DCAF1: variants seen among roughly 807,000 people sequenced by gnomAD.
DCAF1 encodes the protein DDB1- and CUL4-associated factor 1.
DCAF1 carries 15 observed loss-of-function variants against 128.0 expected under a neutral mutation model. That is an observed-to-expected ratio of 0.12 (90% CI 0.08 to 0.18). DCAF1 has a LOEUF of 0.18. Among genes scored for constraint, DCAF1 ranks in the 10% least tolerant of loss-of-function variants. DCAF1 has a pLI of 1.00. For missense variants in DCAF1, 988 were observed against 1,649.5 expected, an observed-to-expected ratio of 0.60 and a Z score of 6.95; for synonymous variants, 610 against 603.0, an observed-to-expected ratio of 1.01 and a Z score of -0.17.
chr3:51,438,117 G>C (rs1553637516), intron 9 of DCAF1: 1 of 426,212 alleles, frequency 2.3e-6, no homozygotes, highest in Non-Finnish European at 4.5e-6. Flanking sequence ...TGAAAGTTTG[G>C]TGTGGTTATG....
intron 24 of DCAF1, among the ~76,000 whole-genome samples, chr3:51,402,177 AG>A (rs1553625126): frequency 6.6e-6 from 1 of 152,220 alleles, no homozygotes; most frequent in South Asian, 2.1e-4. Flanking sequence ...GGTAAATAAA[AG>A]GAAGTGAATA....
intron 6 of DCAF1, among the ~76,000 whole-genome samples, chr3:51,460,003 G>A (rs1553643997): frequency 6.6e-6 from 1 of 152,140 alleles, no homozygotes; most frequent in Non-Finnish European, 1.5e-5. Flanking sequence ...GCACAAGACA[G>A]GGATGCCCTC....
At chr3:51,460,614 GC>G (rs1295433967) in intron 6 of DCAF1, among the ~76,000 whole-genome samples, 2 of 151,320 alleles carry the variant, frequency 1.3e-5, no homozygotes, top group Non-Finnish European at 3.0e-5. Context: ...TCAATCCTAA[GC>G]CAAAAGAACA....
intron 3 of DCAF1, among the ~76,000 whole-genome samples, chr3:51,471,905 A>G (rs1164470060): frequency 2.0e-5 from 3 of 151,458 alleles, no homozygotes; most frequent in African/African-American, 7.3e-5. Context: ...TCCCTCTCCC[A>G]CAACAATTTC....
rs782275654 is a variant in DCAF1 at position 51,483,783 on chromosome 3, T to C, written c.46A>G (p.Thr16Ala). Residue 16 changes from threonine (T) to alanine (A), a missense_variant, in exon 3 of 25, where the codon ACC becomes GCC. Transcript: ENST00000684031. ...TCCTTTTCCCACTGCTCCAGCAGGG[T>C]AGTGAGCTCAGCTTTGGAGTCCACA... The part of the protein sequence containing the change: ...VHVDSKAELT[T>A]LLEQWEKEHG... 15 of 1,613,656 alleles carry C rather than the reference T, an allele frequency of 9.3e-6. No individual in the cohort carries two copies. Among genetic ancestry groups the C allele is most frequent in the Non-Finnish European group, 1.3e-5 (15 of 1,179,864 alleles).
At chr3:51,433,318 C>A (rs1317838745) in intron 9 of DCAF1, 54 bp from the exon 10 acceptor site, 2 of 398,158 alleles carry the variant, frequency 5.0e-6, no homozygotes, top group Non-Finnish European at 8.9e-6. Context: ...TTAACAAAAT[C>A]TCTTGACCTA....
intron 13 of DCAF1, among the ~76,000 whole-genome samples, chr3:51,426,161 T>C (rs1699889999): frequency 6.6e-6 from 1 of 152,144 alleles, no homozygotes; most frequent in Admixed American, 6.5e-5. Context: ...GCTAAAATTA[T>C]CTGGTTTTAT....
chr3:51,402,632 T>C (rs1225630749), intron 24 of DCAF1, among the ~76,000 whole-genome samples: 1 of 127,768 alleles, frequency 7.8e-6, no homozygotes, highest in Non-Finnish European at 1.6e-5. Context: ...TGGAGTGCAG[T>C]GGCACGATCT....
Position 51,443,841 on chromosome 3 carries a change from A to G in DCAF1, c.438T>C (p.Tyr146=), listed in dbSNP as rs186270986. Residue 146 remains tyrosine, a synonymous_variant, in exon 7 of 25, where the codon TAT becomes TAC. Transcript: ENST00000684031. Reference sequence around the variant, plus strand: ...TAGCACCTCCTAACAGTCCAGTAGAATATGTCCTCAATGGTTGATCGGCCT... The same window carrying G: ...TAGCACCTCCTAACAGTCCAGTAGAGTATGTCCTCAATGGTTGATCGGCCT... ...AREADQPLRT[Y]STGLLGGAME... The G allele has an allele frequency of 9.5e-4, 1,532 of 1,612,558 alleles. 13 individuals carry two copies. Among genetic ancestry groups the G allele is most frequent in the East Asian group, 4.5e-3 (201 of 44,810 alleles).
chr3:51,474,351 C>A (rs895161548), intron 3 of DCAF1, among the ~76,000 whole-genome samples: 3 of 152,058 alleles, frequency 2.0e-5, no homozygotes, highest in Non-Finnish European at 4.4e-5. Context: ...ACTCAGGAGG[C>A]GGAGGTCGCG....
chr3:51,458,454 C>T (rs1577214011), intron 6 of DCAF1, among the ~76,000 whole-genome samples: 2 of 152,222 alleles, frequency 1.3e-5, no homozygotes, highest in East Asian at 3.9e-4. Context: ...GACTCCCACA[C>T]AATAATAATG....
At chr3:51,422,988 T>G (rs1476623633) in intron 13 of DCAF1, among the ~76,000 whole-genome samples, 1 of 151,634 alleles carries the variant, frequency 6.6e-6, no homozygotes, top group African/African-American at 2.4e-5. Context: ...GGATCACCTA[T>G]GCCCAGGAAG....
At chr3:51,468,882 T>C (rs1704424475) in intron 4 of DCAF1, among the ~76,000 whole-genome samples, 1 of 152,242 alleles carries the variant, frequency 6.6e-6, no homozygotes, top group South Asian at 2.1e-4. Context: ...GGCAATGACA[T>C]TCAGCATGAT....
In DCAF1 at chr3:51,414,638, T is replaced by C. The variant is rs781917141; in HGVS notation, c.3823A>G (p.Ile1275Val). The change falls in exon 19 of 25, where the codon ATT (isoleucine) becomes GTT (valine). Residue 1275 changes from isoleucine to valine, a missense_variant. Ile to Val is a conservative substitution (Grantham distance 29, BLOSUM62 3). Transcript: ENST00000684031. ...VFHPNGLEVI[I>V]NTEIWDLRTF... ...ATAAAGGATACAATCTCAGTATTAA[T>C]GATCACCTCCAGTCCATTTGGATGG... is the stretch of plus-strand genomic sequence containing the variant. The C allele has an allele frequency of 1.2e-6, 2 of 1,613,996 alleles. No homozygotes were observed. The highest frequency in any genetic ancestry group is 2.2e-5 in the South Asian group (2 of 91,082).
At chr3:51,406,820 G>C (rs2090148803) in intron 23 of DCAF1, among the ~76,000 whole-genome samples, 1 of 152,052 alleles carries the variant, frequency 6.6e-6, no homozygotes, top group Admixed American at 6.6e-5. Flanking sequence ...CTTCACACTG[G>C]CTTCTCACTT....
chr3:51,435,777 CTTGAT>C (rs1313523451), intron 9 of DCAF1, among the ~76,000 whole-genome samples: 21 of 151,854 alleles, frequency 1.4e-4, no homozygotes, highest in African/African-American at 5.1e-4. Context: ...GTGACAAAGA[CTTGAT>C]TTATTTATTC....
At chr3:51,479,177 AATC>A (rs1169543505) in intron 3 of DCAF1, among the ~76,000 whole-genome samples, 1 of 152,098 alleles carries the variant, frequency 6.6e-6, no homozygotes, top group East Asian at 1.9e-4. Context: ...GCAGTGGACA[AATC>A]ATCATTTGAG....
chr3:51,495,953 C>T (rs1553660634), intron 2 of DCAF1, among the ~76,000 whole-genome samples: 1 of 151,250 alleles, frequency 6.6e-6, no homozygotes, highest in African/African-American at 2.4e-5. Context: ...ATAACTGCAC[C>T]ACTGTACTCC....
intron 24 of DCAF1, among the ~76,000 whole-genome samples, chr3:51,400,578 G>A (rs1479889786): frequency 6.6e-6 from 1 of 152,134 alleles, no homozygotes; most frequent in Non-Finnish European, 1.5e-5. Flanking sequence ...AAAACCTCCA[G>A]GGCTTGGGCA....
Sources: gnomAD v4.1 joint callset for allele counts (sites outside exome capture counted in the v4.1 genomes callset) on GRCh38, gnomAD v4.1.1 for gene constraint, MANE v1.5 for transcripts, NCBI Gene and HGNC (gene_info 2026-07-23, HGNC 2026-07-21) for gene names.